Variants in DGLUCY observed in about 807,000 individuals in gnomAD.
DGLUCY encodes D-glutamate cyclase, mitochondrial.
Under a neutral mutation model 58.5 loss-of-function variants are expected in DGLUCY, and 58 were observed. The observed-to-expected ratio is 0.99, with a 90% CI of 0.80 to 1.23. DGLUCY has a LOEUF of 1.23. DGLUCY is among the 50% of genes most tolerant of loss of function. The pLI, the probability that DGLUCY is intolerant of heterozygous loss-of-function variation, is 0.00. For synonymous variants in DGLUCY, 325 were observed against 314.1 expected (o/e 1.03, Z -0.37); for missense variants, 779 against 784.7 (o/e 0.99, Z 0.09).
At chr14:91,075,072 CAAAAAA>C (rs1163669924) in intron 1 of DGLUCY, among the ~76,000 whole-genome samples, 1 of 115,346 alleles carries the variant, frequency 8.7e-6, no homozygotes, top group African/African-American at 3.2e-5. Flanking sequence ...AACTCCGTCT[CAAAAAA>C]AAAAAAAAAA....
chr14:91,081,705 C>G (rs2044130398), intron 1 of DGLUCY, among the ~76,000 whole-genome samples: 1 of 152,004 alleles, frequency 6.6e-6, no homozygotes, highest in African/African-American at 2.4e-5. Context: ...GGCCATCTCT[C>G]CAGCCTCTGT....
chr14:91,123,520 C>T (rs1245463297), intron 1 of DGLUCY, among the ~76,000 whole-genome samples: 1 of 151,516 alleles, frequency 6.6e-6, no homozygotes, highest in African/African-American at 2.4e-5. Context: ...CTTCCAGAAA[C>T]GTTAAACTCT....
intron 13 of DGLUCY, chr14:91,215,901 A>C (rs1886449670): frequency 2.0e-6 from 1 of 510,886 alleles, no homozygotes. Flanking sequence ...GGTACTTCAT[A>C]CTGTTAGTGG....
At chr14:91,087,074 C>A (rs2044234047) in intron 1 of DGLUCY, among the ~76,000 whole-genome samples, 1 of 152,174 alleles carries the variant, frequency 6.6e-6, no homozygotes, top group African/African-American at 2.4e-5. Flanking sequence ...CTTTGAAAGT[C>A]AGAGGTGAAC....
At chr14:91,125,853 A>T (rs991379995) in intron 1 of DGLUCY, among the ~76,000 whole-genome samples, 1 of 152,080 alleles carries the variant, frequency 6.6e-6, no homozygotes, top group East Asian at 1.9e-4. Flanking sequence ...AATTGCTTGA[A>T]CCGAGGAGAT....
At chr14:91,208,333 A>AT (rs1273156935) in intron 12 of DGLUCY, among the ~76,000 whole-genome samples, 1 of 152,246 alleles carries the variant, frequency 6.6e-6, no homozygotes, top group Non-Finnish European at 1.5e-5. Flanking sequence ...TTTTGTATTT[A>AT]TTTTTGACCT....
intron 6 of DGLUCY, among the ~76,000 whole-genome samples, chr14:91,174,309 A>T (rs547186310): frequency 3.9e-4 from 60 of 152,078 alleles, no homozygotes; most frequent in South Asian, 1.9e-3. Flanking sequence ...TAAATTAATT[A>T]ATTTATTTAT....
intron 10 of DGLUCY, among the ~76,000 whole-genome samples, 171 bp downstream of exon 10, chr14:91,196,645 A>G (rs149852123): frequency 6.8e-4 from 103 of 151,270 alleles, no homozygotes; most frequent in Non-Finnish European, 1.2e-3. Context: ...GGGGGTTTCA[A>G]GGTATCCTGG....
Position 91,167,305 on chromosome 14 carries a change from C to A in DGLUCY, c.184C>A (p.Pro62Thr). 6.2e-7 allele frequency: 1 copy of A among 1,613,942 alleles called. No homozygotes were observed. Among genetic ancestry groups the A allele is most frequent in the Non-Finnish European group, 8.5e-7 (1 of 1,179,950 alleles). ...FERFCQVNTG[P>T]LPLLGQSEPE... Reference sequence around the variant, plus strand: ...AAGATTCTGCCAGGTCAACACTGGTCCTCTACCCCTGCTGGGCCAGAGTGA... The same window carrying A: ...AAGATTCTGCCAGGTCAACACTGGTACTCTACCCCTGCTGGGCCAGAGTGA... The change falls in exon 4 of 14, where the codon CCT (proline) becomes ACT (threonine). Residue 62 changes from proline (P) to threonine (T), a missense_variant. By Grantham distance (38) the Pro-to-Thr change is conservative. Transcript: ENST00000256324.
At chr14:91,061,409 G>A (rs1490289417) in intron 1 of DGLUCY, among the ~76,000 whole-genome samples, 1 of 152,202 alleles carries the variant, frequency 6.6e-6, no homozygotes, top group Admixed American at 6.5e-5. Flanking sequence ...TAACAAAATA[G>A]AATACAATTC....
At chr14:91,154,822 G>T (rs936504472) in intron 1 of DGLUCY, among the ~76,000 whole-genome samples, 1 of 152,200 alleles carries the variant, frequency 6.6e-6, no homozygotes, top group African/African-American at 2.4e-5. Flanking sequence ...TACCTTCTGT[G>T]ATTTCCTGAG....
intron 1 of DGLUCY, among the ~76,000 whole-genome samples, chr14:91,077,306 C>T (rs926660610): frequency 2.3e-5 from 3 of 130,844 alleles, no homozygotes; most frequent in South Asian, 2.4e-4. Context: ...AAGAAGAAAG[C>T]GAGGGAGGAA....
At chr14:91,144,766 C>T (rs956793782) in intron 1 of DGLUCY, among the ~76,000 whole-genome samples, 3 of 152,106 alleles carry the variant, frequency 2.0e-5, no homozygotes, top group African/African-American at 4.8e-5. Flanking sequence ...AAGATCACAA[C>T]AGGAAAGTTG....
chr14:91,067,575 G>A (rs9989240), intron 1 of DGLUCY, among the ~76,000 whole-genome samples: 44,357 of 151,034 alleles, frequency 0.29, 6,572 homozygotes, highest in Middle Eastern at 0.33. Context: ...TTGAGACAAG[G>A]CCTTACTCTG....
At chr14:91,086,055 C>T (rs1351205271) in intron 1 of DGLUCY, among the ~76,000 whole-genome samples, 2 of 152,186 alleles carry the variant, frequency 1.3e-5, no homozygotes, top group African/African-American at 2.4e-5. Flanking sequence ...ATTCGATTCT[C>T]AGGGGAGCAT....
rs368712250 is a variant in DGLUCY, at chr14:91,196,335, A to G, written c.1196-40A>G. 3.1e-4 allele frequency: 479 copies of G among 1,570,362 alleles called. 2 individuals carry two copies. The African/African-American group carries it at 5.7e-3, about 19-fold the overall frequency. On this transcript the variant is annotated intron_variant, in intron 9 of 13. Coordinates refer to ENST00000256324, the MANE Select transcript of DGLUCY (RefSeq NM_001102368.3). ...CCAACGTGAATTTCCAAAAGCCAAC[A>G]CTAGAGCTGATGTGTGCCCTGCTTG...
chr14:91,061,648 T>C (rs959790178), intron 1 of DGLUCY, among the ~76,000 whole-genome samples: 1 of 152,096 alleles, frequency 6.6e-6, no homozygotes, highest in Non-Finnish European at 1.5e-5. Context: ...CAATAGACAT[T>C]CCACACAGAG....
At chr14:91,113,294 T>C (rs2044742905), upstream of DGLUCY, among the ~76,000 whole-genome samples, 1 of 152,156 alleles carries the variant, frequency 6.6e-6, no homozygotes, top group Non-Finnish European at 1.5e-5. Flanking sequence ...AGCAAGACTC[T>C]GTCTCAAAAT....
At chr14:91,107,340 G>T (rs2044610203), upstream of DGLUCY, among the ~76,000 whole-genome samples, 1 of 151,814 alleles carries the variant, frequency 6.6e-6, no homozygotes, top group Non-Finnish European at 1.5e-5. Flanking sequence ...CCAACGTGGT[G>T]AAACCCTGTC....
Sources: gnomAD v4.1 joint callset for allele counts (sites outside exome capture counted in the v4.1 genomes callset) on GRCh38, gnomAD v4.1.1 for gene constraint, MANE v1.5 for transcripts, NCBI Gene and HGNC (gene_info 2026-07-23, HGNC 2026-07-21) for gene names.